The following SCAND3 variants were observed in gnomAD, a reference collection of about 807,000 sequenced individuals.
SCAND3 encodes the protein SCAN domain containing 3, also known as SCAN domain-containing protein 3.
At chr6:28,614,071 C>T in the SCAND3 span, among the ~76,000 whole-genome samples, 1 of 151,848 alleles carries the variant, frequency 6.6e-6, no homozygotes, top group Admixed American at 6.6e-5. Flanking sequence ...TCAAGCGATT[C>T]TCCTGCTTCA....
the SCAND3 span, among the ~76,000 whole-genome samples, chr6:28,603,672 G>A: frequency 1.3e-5 from 2 of 151,404 alleles, no homozygotes; most frequent in Non-Finnish European, 2.9e-5. Flanking sequence ...AACTCTAATC[G>A]TATATACTTC....
At chr6:28,612,529 A>G in the SCAND3 span, among the ~76,000 whole-genome samples, 1 of 152,230 alleles carries the variant, frequency 6.6e-6, no homozygotes, top group Admixed American at 6.5e-5. Context: ...CCATAAACAC[A>G]CTGGTATAAA....
chr6:28,604,540 C>T, the SCAND3 span, among the ~76,000 whole-genome samples: 4 of 151,164 alleles, frequency 2.6e-5, no homozygotes, highest in Non-Finnish European at 4.4e-5. Flanking sequence ...TGCTTGAGCC[C>T]GGGACGCAGA....
the SCAND3 span, among the ~76,000 whole-genome samples, chr6:28,576,382 C>T: frequency 1.3e-5 from 2 of 152,136 alleles, no homozygotes; most frequent in Admixed American, 6.5e-5. Context: ...ATCTCAGCCT[C>T]CCGAGTAGCT....
At chr6:28,604,682 TACTC>T in the SCAND3 span, among the ~76,000 whole-genome samples, 1 of 152,150 alleles carries the variant, frequency 6.6e-6, no homozygotes, top group African/African-American at 2.4e-5. Flanking sequence ...TACATAATTT[TACTC>T]ACTCTTTTGC....
At chr6:28,575,412 G>T in the SCAND3 span, 4 of 1,614,010 alleles carry the variant, frequency 2.5e-6, no homozygotes, top group Non-Finnish European at 3.4e-6. The surrounding 1 kb of genome is among the most constrained non-coding windows in gnomAD (Gnocchi z 4.2). Flanking sequence ...GTAGGACACT[G>T]GGTGCTCCAA....
the SCAND3 span, among the ~76,000 whole-genome samples, chr6:28,599,252 T>G: frequency 6.6e-6 from 1 of 152,202 alleles, no homozygotes; most frequent in Admixed American, 6.5e-5. Context: ...GGTCTATAGA[T>G]TCAACACAAT....
At chr6:28,589,258 C>A in the SCAND3 span, 2 of 152,350 alleles carry the variant, frequency 1.3e-5, no homozygotes, top group East Asian at 1.9e-4. Context: ...AAAGCGTCAG[C>A]TTTCCTGTCA....
chr6:28,601,098 G>A, the SCAND3 span, among the ~76,000 whole-genome samples: 6 of 151,844 alleles, frequency 4.0e-5, no homozygotes, highest in Admixed American at 6.6e-5. Flanking sequence ...GTAGACATGG[G>A]GTTTCACCGT....
chr6:28,576,155 A>C, the SCAND3 span: 4 of 1,533,986 alleles, frequency 2.6e-6, no homozygotes, highest in Non-Finnish European at 3.5e-6. Context: ...AAAGGAAAAA[A>C]ATCAATTAGA....
At chr6:28,583,363 C>T in the SCAND3 span, among the ~76,000 whole-genome samples, 1 of 150,870 alleles carries the variant, frequency 6.6e-6, no homozygotes, top group African/African-American at 2.4e-5. Context: ...GCCCAGGGGA[C>T]AGAGCGAGAC....
chr6:28,606,463 G>T, the SCAND3 span, among the ~76,000 whole-genome samples: 1 of 151,988 alleles, frequency 6.6e-6, no homozygotes, highest in Non-Finnish European at 1.5e-5. Flanking sequence ...CAGATTGGTC[G>T]CCAAGCAACA....
the SCAND3 span, among the ~76,000 whole-genome samples, chr6:28,609,326 T>A: frequency 8.0e-3 from 1,225 of 152,302 alleles, 14 homozygotes; most frequent in African/African-American, 0.028. Flanking sequence ...AACATAAACA[T>A]ATACACTCAT....
At chr6:28,615,581 A>G in the SCAND3 span, among the ~76,000 whole-genome samples, 2 of 145,794 alleles carry the variant, frequency 1.4e-5, no homozygotes, top group African/African-American at 2.6e-5. Flanking sequence ...AGCCTAGGCA[A>G]CAGAGAGAGA....
the SCAND3 span, among the ~76,000 whole-genome samples, chr6:28,606,587 A>G: frequency 6.6e-6 from 1 of 152,064 alleles, no homozygotes; most frequent in African/African-American, 2.4e-5. Flanking sequence ...TCGGAGGTAA[A>G]CTACTCTAGA....
the SCAND3 span, among the ~76,000 whole-genome samples, chr6:28,598,459 C>T: frequency 6.6e-6 from 1 of 152,038 alleles, no homozygotes; most frequent in African/African-American, 2.4e-5. Context: ...CATCATGTTC[C>T]TTTACCAAAT....
the SCAND3 span, among the ~76,000 whole-genome samples, chr6:28,594,881 G>A: frequency 1.3e-5 from 2 of 152,252 alleles, no homozygotes; most frequent in East Asian, 3.9e-4. Context: ...AGATGTTACA[G>A]GATGGGGTGG....
chr6:28,600,119 A>G, the SCAND3 span, among the ~76,000 whole-genome samples: 1 of 151,534 alleles, frequency 6.6e-6, no homozygotes, highest in Non-Finnish European at 1.5e-5. Flanking sequence ...AAACATCTGG[A>G]AAAAAAAATA....
chr6:28,611,261 T>A, the SCAND3 span, among the ~76,000 whole-genome samples: 2 of 152,184 alleles, frequency 1.3e-5, no homozygotes, highest in Non-Finnish European at 1.5e-5. Context: ...TAAAGATGTT[T>A]ACTGAAAAGT....
Sources: gnomAD v4.1 joint callset for allele counts (sites outside exome capture counted in the v4.1 genomes callset) on GRCh38, gnomAD v4.1.1 for gene constraint, Gnocchi (gnomAD v3.1) non-coding constraint, MANE v1.5 for transcripts, NCBI Gene and HGNC (gene_info 2026-07-23, HGNC 2026-07-21) for gene names.